ATF7IP2: variants seen among roughly 807,000 people sequenced by gnomAD.
ATF7IP2 encodes the protein activating transcription factor 7-interacting protein 2.
Under a neutral mutation model 64.2 loss-of-function variants are expected in ATF7IP2, and 42 were observed. That is an observed-to-expected ratio of 0.65 (90% CI 0.51 to 0.85). The LOEUF (loss-of-function observed/expected upper bound fraction) is 0.85. Among genes scored for constraint, ATF7IP2 ranks in the 40% least tolerant of loss-of-function variants. The pLI, the probability that ATF7IP2 is intolerant of heterozygous loss-of-function variation, is 0.00. For missense variants in ATF7IP2, 933 were observed against 784.2 expected, an observed-to-expected ratio of 1.19 and a Z score of -2.27; for synonymous variants, 308 against 272.8, an observed-to-expected ratio of 1.13 and a Z score of -1.27.
intron 9 of ATF7IP2, among the ~76,000 whole-genome samples, chr16:10,468,478 A>G (rs543502388): frequency 5.1e-4 from 78 of 152,204 alleles, no homozygotes; most frequent in Non-Finnish European, 9.7e-4. Context: ...TGATTGGGAA[A>G]ACAAATGACA....
chr16:10,446,144 T>G (rs2048796345), intron 8 of ATF7IP2: 1 of 152,252 alleles, frequency 6.6e-6, no homozygotes, highest in East Asian at 1.9e-4. Context: ...AAGAGCCACC[T>G]ATAAATAAGT....
intron 6 of ATF7IP2, 130 bp downstream of exon 6, chr16:10,433,779 C>A: frequency 1.0e-6 from 1 of 963,008 alleles, no homozygotes; most frequent in Non-Finnish European, 1.6e-6. Flanking sequence ...GTGTGAAAGC[C>A]AAATTATCAG....
At chr16:10,478,346 G>A (rs919044113) in intron 12 of ATF7IP2, among the ~76,000 whole-genome samples, 29 of 151,900 alleles carry the variant, frequency 1.9e-4, no homozygotes, top group East Asian at 3.9e-4. Context: ...CAGAAATAAC[G>A]CCACATATCT....
At chr16:10,399,543 A>G (rs1010903483) in intron 1 of ATF7IP2, among the ~76,000 whole-genome samples, 3 of 152,162 alleles carry the variant, frequency 2.0e-5, no homozygotes, top group African/African-American at 7.2e-5. Context: ...GTTGATCTGT[A>G]TGTCTATTTC....
chr16:10,438,975 C>T (rs982124870), intron 7 of ATF7IP2, among the ~76,000 whole-genome samples: 6 of 143,794 alleles, frequency 4.2e-5, no homozygotes, highest in African/African-American at 1.3e-4. Context: ...ATTGCTTGAA[C>T]CAAGGAGGCA....
chr16:10,453,469 A>T (rs1398812303), intron 8 of ATF7IP2, among the ~76,000 whole-genome samples: 1 of 152,182 alleles, frequency 6.6e-6, no homozygotes, highest in Non-Finnish European at 1.5e-5. Context: ...GAAATGCAGA[A>T]ATCACCTGCC....
At chr16:10,447,624 C>G (rs1234379713) in intron 8 of ATF7IP2, 1 of 152,260 alleles carries the variant, frequency 6.6e-6, no homozygotes, top group Admixed American at 6.5e-5. Context: ...CTGCCTCCCC[C>G]ACCTCCCCCG....
intron 9 of ATF7IP2, among the ~76,000 whole-genome samples, chr16:10,459,640 C>CT (rs1304925850): frequency 6.6e-6 from 1 of 152,036 alleles, no homozygotes; most frequent in East Asian, 1.9e-4. Context: ...GAGCAAGACT[C>CT]TATCTCAAAA....
chr16:10,403,987 A>G (rs1410712522), intron 1 of ATF7IP2, among the ~76,000 whole-genome samples: 1 of 152,234 alleles, frequency 6.6e-6, no homozygotes, highest in Non-Finnish European at 1.5e-5. Flanking sequence ...AAAGGGAAAG[A>G]AAAAGCAAAT....
intron 10 of ATF7IP2, among the ~76,000 whole-genome samples, chr16:10,472,491 G>C (rs1033024582): frequency 6.6e-6 from 1 of 151,850 alleles, no homozygotes; most frequent in Admixed American, 6.6e-5. Context: ...TTTGATGGTA[G>C]TGACGGTTTG....
At chr16:10,400,949 G>A (rs890137607) in intron 1 of ATF7IP2, among the ~76,000 whole-genome samples, 5 of 152,064 alleles carry the variant, frequency 3.3e-5, no homozygotes, top group Non-Finnish European at 7.4e-5. Context: ...TGATCCACCT[G>A]CCTCAGCCTC....
chr16:10,397,693 A>G (rs1203426737), intron 1 of ATF7IP2, among the ~76,000 whole-genome samples: 5 of 151,972 alleles, frequency 3.3e-5, no homozygotes, highest in Admixed American at 6.6e-5. Context: ...CCTGGGCAAC[A>G]TGGCAAAACC....
chr16:10,400,389 A>G (rs146442421), intron 1 of ATF7IP2, among the ~76,000 whole-genome samples: 267 of 152,254 alleles, frequency 1.8e-3, no homozygotes, highest in African/African-American at 6.1e-3. Context: ...TTAAATTAAG[A>G]GTTTTTTGGA....
In ATF7IP2 at chr16:10,472,113, C is replaced by T. The variant is rs745612326; in HGVS notation, c.1356C>T (p.Asn452=). ...TAATTTCTTTTTATCATTTTAGTAA[C>T]AATGATGATGTTATGTTGATTTCTG... ...SDQNKSVSES[N]NDDVMLISVE... is the part of the protein sequence containing the mutation. The change falls in exon 10 of 14, where the codon AAC becomes AAT. Residue 452 remains asparagine, a synonymous_variant. Coordinates refer to ENST00000562102, the MANE Select transcript of ATF7IP2 (RefSeq NM_001393719.1). 3.9e-6 allele frequency: 6 copies of T among 1,523,278 alleles called. No individual in the cohort carries two copies. In the East Asian group the frequency reaches 1.1e-4, roughly 29 times the overall value. The allele number at this position is 1,523,278 out of a possible 1,614,324, so 94.4% of individuals were successfully genotyped here. A position where few individuals can be genotyped will look rare whatever the true frequency, so the allele number is the denominator to read the frequency against.
rs577970802 is a variant in ATF7IP2, at chr16:10,413,556, C to T, written c.-241-1018C>T. 8.5e-4 allele frequency among the ~76,000 whole-genome samples: 130 copies of T among 152,266 alleles called. 1 individual carries two copies. The Middle Eastern group carries it at 0.017, about 20-fold the overall frequency. ...TTTAGTTGTGAGGTACTATTCTGTT[C>T]ATCATGCTGTTTGTTGCCTTTATAC... On this transcript the variant is annotated intron_variant, in intron 1 of 13. Coordinates refer to ENST00000562102, the MANE Select transcript of ATF7IP2 (RefSeq NM_001393719.1).
At chr16:10,473,628 A>C (rs1163474362) in intron 11 of ATF7IP2, 94 bp downstream of exon 11, 1 of 905,910 alleles carries the variant, frequency 1.1e-6, no homozygotes, top group African/African-American at 1.7e-5. Context: ...ATTTAGTTTT[A>C]GTCCACGTTA....
chr16:10,393,315 CAAAAAAAAAAAAAAA>C (rs58879332), intron 1 of ATF7IP2, among the ~76,000 whole-genome samples: 2 of 77,160 alleles, frequency 2.6e-5, no homozygotes, highest in Admixed American at 1.5e-4. Flanking sequence ...GACTCTGTCT[CAAAAAAAAAAAAAAA>C]AAAAAAAAAA....
intron 9 of ATF7IP2, among the ~76,000 whole-genome samples, chr16:10,464,636 A>G (rs1385786977): frequency 1.3e-5 from 2 of 152,178 alleles, no homozygotes; most frequent in East Asian, 1.9e-4. Context: ...CCAAGAGTAG[A>G]CCATTTCACC....
At chr16:10,473,279 CA>C (rs1177735220) in intron 10 of ATF7IP2, among the ~76,000 whole-genome samples, 199 bp from the exon 11 acceptor site, 5 of 152,124 alleles carry the variant, frequency 3.3e-5, no homozygotes, top group Admixed American at 2.6e-4. Flanking sequence ...TACAGAAAGA[CA>C]AAATGGTTTG....
Sources: allele counts gnomAD v4.1 joint callset (sites outside exome capture counted in the v4.1 genomes callset), GRCh38; gene constraint gnomAD v4.1.1; transcripts MANE v1.5; gene names NCBI Gene and HGNC (gene_info 2026-07-23, HGNC 2026-07-21).